SKI: variants seen among roughly 807,000 people sequenced by gnomAD.
The protein encoded by SKI is ski oncogene.
SKI carries 23 observed loss-of-function variants against 59.3 expected under a neutral mutation model. The observed-to-expected ratio is 0.39, with a 90% CI of 0.28 to 0.55. SKI has a LOEUF of 0.55. Ranked by LOEUF, SKI falls within the 20% of genes least tolerant of loss-of-function variation. The pLI is 0.67. For synonymous variants in SKI, 673 were observed against 488.6 expected, an observed-to-expected ratio of 1.38 and a Z score of -4.98; for missense variants, 1,017 against 1,038.9, an observed-to-expected ratio of 0.98 and a Z score of 0.29.
intron 1 of SKI, among the ~76,000 whole-genome samples, chr1:2,263,405 T>G (rs1639429487): frequency 6.6e-6 from 1 of 151,460 alleles, no homozygotes; most frequent in Non-Finnish European, 1.5e-5. Context: ...GCCTGGCTAA[T>G]TTTTGTATTT....
intron 1 of SKI, among the ~76,000 whole-genome samples, chr1:2,254,781 C>T (rs16824948): frequency 0.047 from 7,187 of 152,212 alleles, 245 homozygotes; most frequent in East Asian, 0.12. Flanking sequence ...TGGAATAGCA[C>T]GGGCCATTGG....
At chr1:2,297,729 G>A (rs922863780) in intron 1 of SKI, among the ~76,000 whole-genome samples, 4 of 152,262 alleles carry the variant, frequency 2.6e-5, no homozygotes, top group South Asian at 2.1e-4. Context: ...GCCCTTGGCC[G>A]CACATTTCCC....
chr1:2,303,166 C>T lies in SKI; in HGVS notation c.1095+63C>T, dbSNP rs1299735011. 2.5e-6 allele frequency: 4 copies of T among 1,608,330 alleles called. No individual in the cohort carries two copies. Among genetic ancestry groups the T allele is most frequent in the Non-Finnish European group, 2.5e-6 (3 of 1,176,840 alleles). The stretch of plus-strand genomic sequence containing the variant: ...TACTGGGCCCTTCTCCTTGGGCAGA[C>T]CCAGCGGCTGGCAGCTCCACCTGCC... On this transcript the variant is annotated intron_variant, in intron 2 of 6. Coordinates refer to ENST00000378536, the MANE Select transcript of SKI (RefSeq NM_003036.4). This position sits in a 1 kb window ranked among gnomAD's most constrained non-coding sequence, Gnocchi z 5.6.
At chr1:2,240,392 C>CTACG (rs779924730) in intron 1 of SKI, 107 of 741,144 alleles carry the variant, frequency 1.4e-4, no homozygotes, top group Non-Finnish European at 1.7e-4. Flanking sequence ...GCAGGTCTGG[C>CTACG]TACGGGCAGG....
Position 2,267,756 on chromosome 1 carries a change from TG to T in SKI, c.970-35219del, listed in dbSNP as rs1234099939. On this transcript the variant is annotated intron_variant, in intron 1 of 6. Coordinates refer to ENST00000378536, the MANE Select transcript of SKI (RefSeq NM_003036.4). This position sits in a 1 kb window ranked among gnomAD's most constrained non-coding sequence, Gnocchi z 4.1. ...TCCTGAGGTGTGTGAGGCTGATGCA[TG>T]GGCCTTTCTACTTCCAGACTGTCCC... 1.3e-5 allele frequency among the ~76,000 whole-genome samples: 2 copies of T among 152,200 alleles called. No individual in the cohort carries two copies. Among genetic ancestry groups the T allele is most frequent in the Admixed American group, 6.5e-5 (1 of 15,288 alleles).
chr1:2,305,476 C>T (rs1435096689), intron 5 of SKI, among the ~76,000 whole-genome samples: 1 of 152,218 alleles, frequency 6.6e-6, no homozygotes, highest in Non-Finnish European at 1.5e-5. Context: ...TCCCCCGCCA[C>T]TGTTGTCCTT....
chr1:2,241,246 A>G (rs1638863233), intron 1 of SKI, among the ~76,000 whole-genome samples: 1 of 152,218 alleles, frequency 6.6e-6, no homozygotes. Flanking sequence ...GTGGACTTCA[A>G]AGTGCCATCC....
chr1:2,233,199 C>T lies in SKI; in HGVS notation c.969+3464C>T, dbSNP rs139495371. On this transcript the variant is annotated intron_variant, in intron 1 of 6. Transcript: ENST00000378536. ...CCTGCTCCAAGGGGGGGTCCTGCTC[C>T]GAGGGGGCCGGGGTTTCTGTTCCAA... Among the ~76,000 whole-genome samples, 991 of 138,880 alleles carry T rather than the reference C, an allele frequency of 7.1e-3. 14 individuals carry two copies. The highest frequency in any genetic ancestry group is 0.025 in the African/African-American group (907 of 36,556). The allele number at this position is 138,880 out of a possible 152,430, so 91.1% of individuals were successfully genotyped here.
chr1:2,292,866 C>T (rs1018411279), intron 1 of SKI, among the ~76,000 whole-genome samples: 4 of 152,184 alleles, frequency 2.6e-5, no homozygotes, highest in Non-Finnish European at 5.9e-5. Flanking sequence ...GAGGAAGCAA[C>T]GCCTGTCCCT....
intron 1 of SKI, among the ~76,000 whole-genome samples, chr1:2,255,297 C>T (rs1331811145): frequency 6.6e-6 from 1 of 152,056 alleles, no homozygotes. Context: ...CTGCTTAGAC[C>T]TGTACCTGCC....
intron 1 of SKI, among the ~76,000 whole-genome samples, chr1:2,238,645 T>C (rs530063052): frequency 2.0e-5 from 3 of 152,294 alleles, no homozygotes; most frequent in Non-Finnish European, 2.9e-5. Context: ...AGGAGCACAC[T>C]GGACAGGGCA....
chr1:2,273,247 C>A (rs1639668132), intron 1 of SKI, among the ~76,000 whole-genome samples: 1 of 152,192 alleles, frequency 6.6e-6, no homozygotes, highest in South Asian at 2.1e-4. Flanking sequence ...GCGCCGGAGA[C>A]CTTTGGTAGT....
chr1:2,262,344 G>A (rs1484774667), intron 1 of SKI, among the ~76,000 whole-genome samples: 2 of 146,532 alleles, frequency 1.4e-5, no homozygotes, highest in Admixed American at 6.8e-5. Flanking sequence ...TCTGGAAGGC[G>A]TGGAATCAGA....
rs773901705 is a variant in SKI at position 2,229,663 on chromosome 1, C to T, written c.897C>T (p.Arg299=). ...QDYTGKEEQA[R]LGRCLDDVKE... ...ACACGGGCAAGGAGGAGCAGGCGCG[C>T]CTCGGCCGCTGCCTGGACGACGTGA... is the stretch of plus-strand genomic sequence containing the variant. The change falls in exon 1 of 7, where the codon CGC becomes CGT. Residue 299 remains arginine (R), a synonymous_variant. Transcript: ENST00000378536. The surrounding 1 kb of genome is among the most constrained non-coding windows in gnomAD (Gnocchi z 6.3). The T allele has an allele frequency of 8.5e-5, 137 of 1,610,506 alleles. No individual in the cohort carries two copies. The highest frequency in any genetic ancestry group is 1.0e-4 in the Non-Finnish European group (121 of 1,179,084).
chr1:2,285,232 G>C (rs1640011332), intron 1 of SKI, among the ~76,000 whole-genome samples: 1 of 152,120 alleles, frequency 6.6e-6, no homozygotes, highest in African/African-American at 2.4e-5. Flanking sequence ...ATTCTTCCAG[G>C]CCGGTCGCAG....
intron 1 of SKI, among the ~76,000 whole-genome samples, chr1:2,278,907 G>T (rs548718407): frequency 2.0e-5 from 3 of 152,292 alleles, no homozygotes; most frequent in South Asian, 4.1e-4. Flanking sequence ...GAGTGCTTGC[G>T]CACCCCCCCA....
intron 1 of SKI, among the ~76,000 whole-genome samples, chr1:2,238,943 C>A (rs973996828): frequency 1.3e-5 from 2 of 152,168 alleles, no homozygotes; most frequent in Non-Finnish European, 2.9e-5. Flanking sequence ...TCCCTGGACG[C>A]CCGTGTGGAC....
Position 2,303,594 on chromosome 1 carries a change from A to G in SKI, c.1211+194A>G. ...AGAGCGTTCCCTGTGTTCTGGGTGG[A>G]GTCGTGGGTGGAGCCCTGTCTGCTG... On this transcript the variant is annotated intron_variant, in intron 3 of 6. Coordinates refer to ENST00000378536, the MANE Select transcript of SKI (RefSeq NM_003036.4). The surrounding 1 kb of genome is among the most constrained non-coding windows in gnomAD (Gnocchi z 5.6). 1.5e-6 allele frequency: 1 copy of G among 683,212 alleles called. No individual in the cohort carries two copies. 42.3% of individuals were successfully genotyped at this position (683,212 alleles called of 1,614,324 possible).
rs184317364 is a variant in SKI at position 2,286,993 on chromosome 1, C to T, written c.970-15985C>T. Among the ~76,000 whole-genome samples the T allele has an allele frequency of 3.2e-3, 484 of 152,342 alleles. 2 individuals carry two copies. Among genetic ancestry groups the T allele is most frequent in the African/African-American group, 0.01 (419 of 41,574 alleles). On this transcript the variant is annotated intron_variant, in intron 1 of 6. Transcript: ENST00000378536. ...GAGCGTTAAGCCCAGGACATGGCTG[C>T]GTGCCCACAAAGCCAGCTCTGGATG...
Sources: gnomAD v4.1 joint callset for allele counts (sites outside exome capture counted in the v4.1 genomes callset) on GRCh38, gnomAD v4.1.1 for gene constraint, Gnocchi (gnomAD v3.1) non-coding constraint, MANE v1.5 for transcripts, NCBI Gene and HGNC (gene_info 2026-07-23, HGNC 2026-07-21) for gene names.